SLC17A3: variants seen among roughly 807,000 people sequenced by gnomAD.
SLC17A3 encodes solute carrier family 17 member 3.
In SLC17A3, 61 loss-of-function variants were observed where a neutral mutation model predicts 60.3. The observed-to-expected ratio is 1.01, with a 90% CI of 0.82 to 1.25. The LOEUF is 1.25. Ranked by LOEUF, SLC17A3 falls within the 50% of genes most tolerant of loss-of-function variation. SLC17A3 has a pLI of 0.00. For missense variants in SLC17A3, 624 were observed against 594.9 expected (o/e 1.05, Z -0.51); for synonymous variants, 192 against 208.9 (o/e 0.92, Z 0.70).
At chr6:25,872,680 A>G (rs899936844) in intron 1 of SLC17A3, among the ~76,000 whole-genome samples, 2 of 151,322 alleles carry the variant, frequency 1.3e-5, no homozygotes, top group Admixed American at 1.3e-4. Flanking sequence ...CTTTGCAATG[A>G]TGTGACCTCT....
intron 5 of SLC17A3, among the ~76,000 whole-genome samples, chr6:25,859,088 G>A (rs540503451): frequency 2.7e-4 from 41 of 152,314 alleles, no homozygotes; most frequent in Non-Finnish European, 4.7e-4. Context: ...ATCATAAGAT[G>A]TGTTGGGTAT....
intron 1 of SLC17A3, among the ~76,000 whole-genome samples, chr6:25,872,166 T>C (rs1258232387): frequency 6.6e-6 from 1 of 152,044 alleles, no homozygotes; most frequent in Non-Finnish European, 1.5e-5. Flanking sequence ...AATTATTTCA[T>C]GGCATTTTAT....
chr6:25,862,569 T>C (rs1312405456), intron 2 of SLC17A3, 125 bp from the exon 3 acceptor site: 10 of 826,120 alleles, frequency 1.2e-5, no homozygotes, highest in South Asian at 3.0e-5. Context: ...ATGACACTTC[T>C]GTTGGCTTTA....
chr6:25,871,690 T>C (rs1292497177), intron 1 of SLC17A3, among the ~76,000 whole-genome samples: 1 of 152,072 alleles, frequency 6.6e-6, no homozygotes, highest in Non-Finnish European at 1.5e-5. Context: ...TTATTGATGT[T>C]GGAACAAGTT....
chr6:25,845,478 C>A lies in SLC17A3; in HGVS notation c.1401G>T (p.Leu467=). The A allele has an allele frequency of 6.2e-7, 1 of 1,614,042 alleles. No homozygotes were observed. Among genetic ancestry groups the A allele is most frequent in the Non-Finnish European group, 8.5e-7 (1 of 1,179,964 alleles). Residue 467 remains leucine, a synonymous_variant, in exon 12 of 13, where the codon CTG becomes CTT. Transcript: ENST00000397060. ...GTAGTCCTAACAGGTTAACGGCAAA[C>A]AGCAAGAAGAAGACATTCCTCCACC... ...EFGWRNVFFL[L]FAVNLLGLLF...
intron 5 of SLC17A3, among the ~76,000 whole-genome samples, chr6:25,857,868 G>T (rs1440461211): frequency 1.3e-5 from 2 of 152,144 alleles, no homozygotes; most frequent in Non-Finnish European, 2.9e-5. Flanking sequence ...TCCAAAGCCA[G>T]GTCCCTTCTT....
At chr6:25,872,447 T>G (rs961069852) in intron 1 of SLC17A3, among the ~76,000 whole-genome samples, 4 of 151,340 alleles carry the variant, frequency 2.6e-5, no homozygotes, top group Admixed American at 2.6e-4. Flanking sequence ...TGTCTGTGTG[T>G]GTGGGTGTGT....
Position 25,845,274 on chromosome 6 carries a change from G to T in SLC17A3, c.*27C>A, listed in dbSNP as rs1765152944. On this transcript the variant is annotated 3_prime_UTR_variant, in exon 13 of 13. Coordinates refer to ENST00000397060, the MANE Select transcript of SLC17A3 (RefSeq NM_001098486.2). ...TATTTTATGCAATACGGTGCCTAAT[G>T]ACTTTTCCATCCAAGGTGGGATAAC... 1 of 1,361,992 alleles carries T rather than the reference G, an allele frequency of 7.3e-7. No individual in the cohort carries two copies. The highest frequency in any genetic ancestry group is 1.0e-6 in the Non-Finnish European group (1 of 958,756). The allele number at this position is 1,361,992 out of a possible 1,614,324, so 84.4% of individuals were successfully genotyped here.
chr6:25,871,740 C>T (rs1292206436), intron 1 of SLC17A3, among the ~76,000 whole-genome samples: 3 of 152,006 alleles, frequency 2.0e-5, no homozygotes, highest in Non-Finnish European at 4.4e-5. Flanking sequence ...ATGAGGGCTA[C>T]GTGGCATCTG....
chr6:25,866,153 C>T (rs1457479966), intron 2 of SLC17A3, among the ~76,000 whole-genome samples: 4 of 151,924 alleles, frequency 2.6e-5, no homozygotes, highest in Non-Finnish European at 5.9e-5. Context: ...GGGACGTCAC[C>T]CCCATGATTA....
At position 25,850,764 on chromosome 6, in the gene SLC17A3, GT is replaced by G; in HGVS notation, c.825del (p.Lys275AsnfsTer27). ...GTTGGTGTCTTTATATGTACCTGTT[GT>G]TTCAAGGAGGATATGATGTATTCTT... ...SEKEYIISSL[K>X]QQVGSSKQPL... On this transcript the variant is annotated frameshift_variant, in exon 7 of 13. Coordinates refer to ENST00000397060, the MANE Select transcript of SLC17A3 (RefSeq NM_001098486.2). LOFTEE classifies it high-confidence loss of function. 1 of 1,612,600 alleles carries G rather than the reference GT, an allele frequency of 6.2e-7. No homozygotes were observed. Among genetic ancestry groups the G allele is most frequent in the African/African-American group, 1.3e-5 (1 of 75,016 alleles).
chr6:25,858,001 C>A (rs1765386502), intron 5 of SLC17A3, among the ~76,000 whole-genome samples: 1 of 152,128 alleles, frequency 6.6e-6, no homozygotes, highest in African/African-American at 2.4e-5. Context: ...TCTGAGTACA[C>A]AAGCATATGT....
At chr6:25,857,065 T>C (rs955633231) in intron 5 of SLC17A3, among the ~76,000 whole-genome samples, 3 of 151,824 alleles carry the variant, frequency 2.0e-5, no homozygotes, top group Non-Finnish European at 4.4e-5. Context: ...GGTGCCTGAC[T>C]GTAGTTTCAG....
intron 6 of SLC17A3, among the ~76,000 whole-genome samples, chr6:25,851,352 A>G (rs949488499): frequency 1.3e-5 from 2 of 151,894 alleles, no homozygotes; most frequent in South Asian, 2.1e-4. Flanking sequence ...TGGGATCAGC[A>G]TGTCTTTTTA....
At chr6:25,862,889 C>A (rs1461879420) in intron 2 of SLC17A3, among the ~76,000 whole-genome samples, 2 of 150,604 alleles carry the variant, frequency 1.3e-5, no homozygotes, top group East Asian at 3.9e-4. Flanking sequence ...ACTATATATA[C>A]ATGTATAGCA....
intron 11 of SLC17A3, among the ~76,000 whole-genome samples, chr6:25,847,249 T>C (rs1432272596): frequency 6.6e-6 from 1 of 152,218 alleles, no homozygotes; most frequent in Non-Finnish European, 1.5e-5. Flanking sequence ...ACAAAAGATA[T>C]GATCTCATTC....
At chr6:25,863,049 G>A (rs571687829) in intron 2 of SLC17A3, among the ~76,000 whole-genome samples, 19 of 151,974 alleles carry the variant, frequency 1.3e-4, no homozygotes, top group African/African-American at 4.1e-4. Flanking sequence ...TCACTCAAGT[G>A]AAAAATAGTG....
chr6:25,868,312 G>C lies in SLC17A3; in HGVS notation c.76C>G (p.Leu26Val), dbSNP rs527907419. ...TCAAATTTACCTTTCCTGGGGATCA[G>C]TGTCTCATCCACTTGCATATCTTGT... The part of the protein sequence containing the change: ...NAQDMQVDET[L>V]IPRKVPSLCS... Residue 26 changes from leucine (L) to valine (V), a missense_variant, in exon 2 of 13, where the codon CTG becomes GTG. Physicochemically the swap from Leu to Val is conservative, Grantham distance 32. Coordinates refer to ENST00000397060, the MANE Select transcript of SLC17A3 (RefSeq NM_001098486.2). The C allele has an allele frequency of 6.2e-7, 1 of 1,611,750 alleles. No individual in the cohort carries two copies. Among genetic ancestry groups the C allele is most frequent in the African/African-American group, 1.3e-5 (1 of 74,842 alleles).
rs1765149684 is a variant in SLC17A3, at chr6:25,845,106, G to A, written c.*195C>T. The A allele has an allele frequency of 2.6e-6, 1 of 389,714 alleles. No homozygotes were observed. The allele number at this position is 389,714 out of a possible 1,614,324, so 24.1% of individuals were successfully genotyped here. ...TATGAAGATGACAACTGCATTCTTAGTTATCATTTTATTTGAATTTTTATT... is the reference window on the plus strand; with the variant it reads ...TATGAAGATGACAACTGCATTCTTAATTATCATTTTATTTGAATTTTTATT... On this transcript the variant is annotated 3_prime_UTR_variant, in exon 13 of 13. Coordinates refer to ENST00000397060, the MANE Select transcript of SLC17A3 (RefSeq NM_001098486.2).
Sources: allele counts gnomAD v4.1 joint callset (sites outside exome capture counted in the v4.1 genomes callset), GRCh38; gene constraint gnomAD v4.1.1; transcripts MANE v1.5; gene names NCBI Gene and HGNC (gene_info 2026-07-23, HGNC 2026-07-21).